SPTLC3: variants seen among roughly 807,000 people sequenced by gnomAD.
SPTLC3 encodes serine palmitoyltransferase long chain base subunit 3, also known as serine palmitoyltransferase 3.
A neutral mutation model predicts 59.3 loss-of-function variants in SPTLC3; 36 were observed. The observed-to-expected ratio is 0.61, with a 90% CI of 0.47 to 0.80. The LOEUF is 0.80. Ranked by LOEUF, SPTLC3 falls within the 30% of genes least tolerant of loss-of-function variation. The pLI is 0.00. For missense variants in SPTLC3, 625 were observed against 685.1 expected (o/e 0.91, Z 0.98); for synonymous variants, 257 against 240.8 (o/e 1.07, Z -0.62).
intron 6 of SPTLC3, among the ~76,000 whole-genome samples, chr20:13,107,725 C>T (rs1326861901): frequency 6.6e-6 from 1 of 151,382 alleles, no homozygotes; most frequent in Non-Finnish European, 1.5e-5. Context: ...GACAAAGCAC[C>T]TAAAGAGTTA....
chr20:13,049,403 A>C (rs945480624), intron 2 of SPTLC3: 4 of 322,328 alleles, frequency 1.2e-5, no homozygotes, highest in Non-Finnish European at 2.4e-5. Context: ...CAACCCCATG[A>C]TATAGATATT....
intron 4 of SPTLC3, among the ~76,000 whole-genome samples, chr20:13,084,316 TAAC>T (rs1340026037): frequency 5.9e-5 from 9 of 152,318 alleles, no homozygotes; most frequent in African/African-American, 1.9e-4. Context: ...ATGATGTTTA[TAAC>T]AACAAAGCTT....
intron 2 of SPTLC3, among the ~76,000 whole-genome samples, chr20:13,070,507 C>G (rs2122564138): frequency 6.6e-6 from 1 of 152,262 alleles, no homozygotes; most frequent in South Asian, 2.1e-4. Context: ...AAGGCACTCC[C>G]CATGGTCTCC....
Position 13,161,288 on chromosome 20 carries a change from T to C in SPTLC3, c.1545+1156T>C, listed in dbSNP as rs1401543509. Among the ~76,000 whole-genome samples the C allele has an allele frequency of 2.0e-5, 3 of 151,652 alleles. No individual in the cohort carries two copies. The East Asian group carries it at 5.8e-4, about 30-fold the overall frequency. ...AGGAACAGCAAATTTTCAATGGGAG[T>C]GGGGGAATAGAATGAGCTCAGTCCT... On this transcript the variant is annotated intron_variant, in intron 11 of 11. Coordinates refer to ENST00000399002, the MANE Select transcript of SPTLC3 (RefSeq NM_018327.4).
intron 9 of SPTLC3, among the ~76,000 whole-genome samples, chr20:13,141,095 A>AG (rs774521950): frequency 6.6e-6 from 1 of 152,162 alleles, no homozygotes; most frequent in African/African-American, 2.4e-5. Context: ...TAGGGCATTG[A>AG]GGGGGGAAAG....
At chr20:13,056,993 G>C (rs544946301) in intron 2 of SPTLC3, among the ~76,000 whole-genome samples, 25 of 151,866 alleles carry the variant, frequency 1.6e-4, no homozygotes, top group African/African-American at 5.8e-4. Context: ...GCCTGCCTCA[G>C]CCTCCCAAAG....
At chr20:13,040,877 C>T (rs1418360185) in intron 1 of SPTLC3, among the ~76,000 whole-genome samples, 1 of 151,778 alleles carries the variant, frequency 6.6e-6, no homozygotes, top group Non-Finnish European at 1.5e-5. Context: ...TGGTTGACTT[C>T]TTAAAATATT....
intron 1 of SPTLC3, among the ~76,000 whole-genome samples, chr20:13,032,755 C>A (rs1375234146): frequency 6.6e-6 from 1 of 152,194 alleles, no homozygotes; most frequent in African/African-American, 2.4e-5. Context: ...ATCCTTCACT[C>A]ACCACTCTGG....
intron 4 of SPTLC3, among the ~76,000 whole-genome samples, chr20:13,081,031 C>T (rs1031517362): frequency 1.3e-5 from 2 of 152,130 alleles, no homozygotes; most frequent in Non-Finnish European, 2.9e-5. Flanking sequence ...AAACTCAAAT[C>T]CTAGTTCCTC....
intron 9 of SPTLC3, among the ~76,000 whole-genome samples, chr20:13,132,228 G>A (rs528086598): frequency 5.7e-4 from 80 of 140,464 alleles, no homozygotes; most frequent in Admixed American, 1.3e-3. Context: ...CCAGGCTGGA[G>A]TGCAGTGGTG....
intron 1 of SPTLC3, among the ~76,000 whole-genome samples, chr20:13,043,625 G>A (rs1987090736): frequency 2.0e-5 from 3 of 152,120 alleles, no homozygotes; most frequent in Admixed American, 2.0e-4. Flanking sequence ...CTCCCTCAAG[G>A]GGTCGTGTTC....
chr20:13,118,460 C>A (rs2327751), intron 8 of SPTLC3, among the ~76,000 whole-genome samples: 74,869 of 124,020 alleles, frequency 0.6, 23,015 homozygotes, highest in Admixed American at 0.69. Context: ...AAAAAAAAAA[C>A]AAAAAAAAAC....
intron 9 of SPTLC3, among the ~76,000 whole-genome samples, chr20:13,143,649 C>T (rs1439900684): frequency 2.0e-5 from 3 of 152,218 alleles, no homozygotes; most frequent in Non-Finnish European, 4.4e-5. Flanking sequence ...ATACCCTCCT[C>T]CCTGAGGCCT....
intron 9 of SPTLC3, among the ~76,000 whole-genome samples, chr20:13,131,811 C>A (rs916507697): frequency 1.3e-5 from 2 of 152,154 alleles, no homozygotes; most frequent in Non-Finnish European, 2.9e-5. Context: ...AAAACTAACT[C>A]ATACCATGTC....
intron 2 of SPTLC3, among the ~76,000 whole-genome samples, chr20:13,062,209 C>T (rs1427233949): frequency 6.6e-6 from 1 of 152,142 alleles, no homozygotes; most frequent in East Asian, 1.9e-4. Context: ...AACACAATCC[C>T]CCATCTCCCC....
chr20:13,132,545 C>G (rs1285364225), intron 9 of SPTLC3, among the ~76,000 whole-genome samples: 1 of 152,124 alleles, frequency 6.6e-6, no homozygotes, highest in East Asian at 1.9e-4. Flanking sequence ...TCTGTTTGCC[C>G]TCACTAAAAG....
intron 1 of SPTLC3, among the ~76,000 whole-genome samples, chr20:13,032,754 T>C (rs1986552988): frequency 6.6e-6 from 1 of 152,186 alleles, no homozygotes; most frequent in Non-Finnish European, 1.5e-5. Flanking sequence ...CATCCTTCAC[T>C]CACCACTCTG....
At chr20:13,153,212 C>T (rs2038690482) in intron 9 of SPTLC3, among the ~76,000 whole-genome samples, 2 of 152,308 alleles carry the variant, frequency 1.3e-5, no homozygotes, top group South Asian at 4.1e-4. Flanking sequence ...AGTAGACAGG[C>T]ATCTTCAGGA....
At chr20:13,039,083 A>C (rs895883079) in intron 1 of SPTLC3, among the ~76,000 whole-genome samples, 3 of 152,074 alleles carry the variant, frequency 2.0e-5, no homozygotes, top group African/African-American at 7.2e-5. Flanking sequence ...GCTTTAGAAA[A>C]ATGTGTATTT....
Sources: allele counts gnomAD v4.1 joint callset (sites outside exome capture counted in the v4.1 genomes callset), GRCh38; gene constraint gnomAD v4.1.1; transcripts MANE v1.5; gene names NCBI Gene and HGNC (gene_info 2026-07-23, HGNC 2026-07-21).